Variants in COLEC12 observed in about 807,000 individuals in gnomAD.
The protein encoded by COLEC12 is collectin-12.
In COLEC12, 33 loss-of-function variants were observed where a neutral mutation model predicts 71.1. The ratio of observed to expected loss-of-function variants is 0.46; its 90% CI spans 0.35 to 0.62. The LOEUF (loss-of-function observed/expected upper bound fraction) is 0.62, where lower values mean the gene tolerates loss of function less well. COLEC12 is among the 20% of genes least tolerant of loss of function. COLEC12 has a pLI of 0.00. For missense variants in COLEC12, 765 were observed against 916.1 expected (o/e 0.84, Z 2.13); for synonymous variants, 350 against 353.0 (o/e 0.99, Z 0.10).
chr18:338,224 T>C (rs1309197742), intron 5 of COLEC12, among the ~76,000 whole-genome samples: 1 of 152,248 alleles, frequency 6.6e-6, no homozygotes, highest in African/African-American at 2.4e-5. Flanking sequence ...TTTTCTCTTC[T>C]TCTCTAATCT....
chr18:432,814 C>T (rs893023136), intron 2 of COLEC12, among the ~76,000 whole-genome samples: 8 of 152,190 alleles, frequency 5.3e-5, no homozygotes, highest in African/African-American at 9.7e-5. Context: ...GCTCACCTCC[C>T]CAAGCAAACC....
At chr18:390,815 G>A (rs1320959349) in intron 2 of COLEC12, among the ~76,000 whole-genome samples, 4 of 150,664 alleles carry the variant, frequency 2.7e-5, no homozygotes, top group Non-Finnish European at 6.0e-5. Context: ...GGTTTCTTTG[G>A]TGCATGCACT....
intron 2 of COLEC12, among the ~76,000 whole-genome samples, chr18:452,515 G>A (rs1174499420): frequency 2.0e-5 from 3 of 152,172 alleles, no homozygotes; most frequent in African/African-American, 7.2e-5. Context: ...CTCTTCAGCA[G>A]AAGCATCTTC....
intron 6 of COLEC12, 83 bp from the exon 7 acceptor site, chr18:333,226 A>C: frequency 1.6e-6 from 2 of 1,213,432 alleles, no homozygotes; most frequent in Non-Finnish European, 2.3e-6. Context: ...CAGAGGCCAA[A>C]ACTGTGGTCC....
intron 2 of COLEC12, among the ~76,000 whole-genome samples, chr18:430,002 C>G (rs1266286987): frequency 6.6e-6 from 1 of 152,154 alleles, no homozygotes; most frequent in African/African-American, 2.4e-5. Context: ...TCGCCAGCTC[C>G]CAGGACAGGG....
chr18:469,874 AT>A (rs35447228), intron 2 of COLEC12, among the ~76,000 whole-genome samples: 3 of 150,580 alleles, frequency 2.0e-5, no homozygotes, highest in African/African-American at 4.9e-5. Flanking sequence ...TTCCATAAAG[AT>A]TTTTTTTTTA....
intron 2 of COLEC12, among the ~76,000 whole-genome samples, chr18:458,686 A>G (rs575425538): frequency 1.8e-4 from 28 of 152,296 alleles, no homozygotes; most frequent in African/African-American, 6.0e-4. Flanking sequence ...TCTTCATCTA[A>G]ACTGTCGTCT....
At chr18:323,358 G>GTC (rs1913761296) in intron 8 of COLEC12, among the ~76,000 whole-genome samples, 1 of 152,172 alleles carries the variant, frequency 6.6e-6, no homozygotes, top group Non-Finnish European at 1.5e-5. Flanking sequence ...TTAGAAAATA[G>GTC]TCTCACTCAC....
intron 2 of COLEC12, among the ~76,000 whole-genome samples, chr18:425,707 G>A (rs1916187468): frequency 6.6e-6 from 1 of 152,192 alleles, no homozygotes; most frequent in African/African-American, 2.4e-5. Flanking sequence ...GAGGGCATGT[G>A]GGTGAGTGAA....
intron 8 of COLEC12, among the ~76,000 whole-genome samples, chr18:322,496 C>A (rs1913732117): frequency 6.6e-6 from 1 of 152,212 alleles, no homozygotes; most frequent in African/African-American, 2.4e-5. Flanking sequence ...GATGAGTTCA[C>A]ATGGGGCTTC....
At chr18:464,073 G>T (rs551155998) in intron 2 of COLEC12, among the ~76,000 whole-genome samples, 1 of 152,040 alleles carries the variant, frequency 6.6e-6, no homozygotes, top group Non-Finnish European at 1.5e-5. Context: ...GCCTGTCCGC[G>T]TGTGCTCACT....
At chr18:394,156 C>G (rs1189835406) in intron 2 of COLEC12, among the ~76,000 whole-genome samples, 1 of 152,160 alleles carries the variant, frequency 6.6e-6, no homozygotes, top group Non-Finnish European at 1.5e-5. Flanking sequence ...GAGGCCAACA[C>G]CAGAAAAGCA....
chr18:412,992 T>C (rs1288302215), intron 2 of COLEC12, among the ~76,000 whole-genome samples: 7 of 152,148 alleles, frequency 4.6e-5, no homozygotes, highest in Admixed American at 4.6e-4. Flanking sequence ...GCATTACGAT[T>C]TAAAGATGGA....
At chr18:321,124 G>A (rs182565642) in intron 9 of COLEC12, among the ~76,000 whole-genome samples, 5 of 152,252 alleles carry the variant, frequency 3.3e-5, no homozygotes, top group East Asian at 1.9e-4. Context: ...GTGCGATCTC[G>A]GCTCCCCACA....
chr18:396,664 C>G (rs1382259742), intron 2 of COLEC12, among the ~76,000 whole-genome samples: 2 of 152,374 alleles, frequency 1.3e-5, no homozygotes, highest in East Asian at 3.9e-4. Flanking sequence ...AAACGTGTCC[C>G]CTCCAGATGG....
rs191935955 is a variant in COLEC12 at position 362,380 on chromosome 18, C to T, written c.59-4858G>A. ...CTGTTTTATCTTCCTCTCTGCCCTC[C>T]GCTGGGAGGACATCTGGCCAAACAC... On this transcript the variant is annotated intron_variant, in intron 2 of 9. Coordinates refer to ENST00000400256, the MANE Select transcript of COLEC12 (RefSeq NM_130386.3). This position sits in a 1 kb window ranked among gnomAD's most constrained non-coding sequence, Gnocchi z 4.6. 5.3e-5 allele frequency among the ~76,000 whole-genome samples: 8 copies of T among 152,254 alleles called. No individual in the cohort carries two copies. The East Asian group carries it at 1.5e-3, about 29-fold the overall frequency.
intron 2 of COLEC12, among the ~76,000 whole-genome samples, chr18:434,418 T>G (rs534704414): frequency 6.6e-4 from 101 of 152,320 alleles, no homozygotes; most frequent in African/African-American, 2.4e-3. Context: ...CACACAGTAT[T>G]TTCATGACAA....
intron 2 of COLEC12, among the ~76,000 whole-genome samples, chr18:363,439 T>C (rs901582078): frequency 1.3e-5 from 2 of 152,196 alleles, no homozygotes; most frequent in African/African-American, 4.8e-5. Flanking sequence ...AAGATCATGT[T>C]ACCAAAGAGA....
At chr18:321,573 C>T in intron 9 of COLEC12, 89 bp downstream of exon 9, 1 of 1,408,954 alleles carries the variant, frequency 7.1e-7, no homozygotes, top group Non-Finnish European at 9.8e-7. Flanking sequence ...ATTGCAGTGC[C>T]TGCATTCAGG....
Sources: gnomAD v4.1 joint callset for allele counts (sites outside exome capture counted in the v4.1 genomes callset) on GRCh38, gnomAD v4.1.1 for gene constraint, Gnocchi (gnomAD v3.1) non-coding constraint, MANE v1.5 for transcripts, NCBI Gene and HGNC (gene_info 2026-07-23, HGNC 2026-07-21) for gene names.